The following ANKFN1 variants were observed in gnomAD, a reference collection of about 807,000 sequenced individuals.
ANKFN1 encodes ankyrin repeat and fibronectin type III domain containing 1, also known as ankyrin repeat and fibronectin type-III domain-containing protein 1.
In ANKFN1, 74 loss-of-function variants were observed where a neutral mutation model predicts 108.7. The ratio of observed to expected loss-of-function variants is 0.68; its 90% CI spans 0.56 to 0.83. ANKFN1 has a LOEUF of 0.83. Ranked by LOEUF, ANKFN1 falls within the 40% of genes least tolerant of loss-of-function variation. The pLI, the probability that ANKFN1 is intolerant of heterozygous loss-of-function variation, is 0.00. For missense variants in ANKFN1, 1,505 were observed against 1,382.3 expected (o/e 1.09, Z -1.41); for synonymous variants, 547 against 516.2 (o/e 1.06, Z -0.81).
chr17:56,346,021 G>A (rs2046090315), intron 4 of ANKFN1, among the ~76,000 whole-genome samples: 1 of 152,006 alleles, frequency 6.6e-6, no homozygotes, highest in Non-Finnish European at 1.5e-5. Context: ...TATGGTTTTG[G>A]GTTTCACATT....
At chr17:56,275,770 A>G (rs926220490) in intron 3 of ANKFN1, among the ~76,000 whole-genome samples, 3 of 152,182 alleles carry the variant, frequency 2.0e-5, no homozygotes, top group African/African-American at 7.2e-5. Context: ...AAACTGTTGA[A>G]ATGAAAGACA....
chr17:56,218,209 C>G (rs1300567770), intron 2 of ANKFN1, among the ~76,000 whole-genome samples: 1 of 143,828 alleles, frequency 7.0e-6, no homozygotes, highest in African/African-American at 2.5e-5. Context: ...CTCTCTTCCC[C>G]ACCCTCCCTC....
chr17:56,413,088 C>T (rs532994489), intron 8 of ANKFN1, among the ~76,000 whole-genome samples: 8 of 152,212 alleles, frequency 5.3e-5, no homozygotes, highest in South Asian at 4.2e-4. Flanking sequence ...TGCCTCGAAG[C>T]GTAACATTAG....
chr17:56,487,994 G>A (rs1236437607), intron 18 of ANKFN1, among the ~76,000 whole-genome samples: 1 of 152,168 alleles, frequency 6.6e-6, no homozygotes, highest in Non-Finnish European at 1.5e-5. Flanking sequence ...GAAGCTAAAA[G>A]TTTAAAAGAT....
Position 56,351,557 on chromosome 17 carries a change from A to G in ANKFN1, c.390+590A>G, listed in dbSNP as rs1297819238. On this transcript the variant is annotated intron_variant, in intron 5 of 20. Coordinates refer to ENST00000682825, the MANE Select transcript of ANKFN1 (RefSeq NM_001370326.1). Reference sequence around the variant, plus strand: ...GTACCTGAAATTTATCATTACATTCATCTCTGACTTCCCAGAAAGTCAAAG... The same window carrying G: ...GTACCTGAAATTTATCATTACATTCGTCTCTGACTTCCCAGAAAGTCAAAG... 2.0e-5 allele frequency among the ~76,000 whole-genome samples: 3 copies of G among 152,180 alleles called. No homozygotes were observed. The East Asian group carries it at 5.8e-4, about 29-fold the overall frequency.
intron 4 of ANKFN1, among the ~76,000 whole-genome samples, chr17:56,143,072 G>C (rs997007687): frequency 3.3e-5 from 5 of 152,178 alleles, no homozygotes; most frequent in African/African-American, 1.2e-4. Flanking sequence ...AGGAAGAGAA[G>C]ACATTGCGAA....
chr17:56,070,763 A>T (rs1417434729), intron 4 of ANKFN1, among the ~76,000 whole-genome samples: 2 of 144,908 alleles, frequency 1.4e-5, no homozygotes, highest in Admixed American at 6.9e-5. Flanking sequence ...TTTGAGACGT[A>T]CTCTCACTCT....
Position 56,417,316 on chromosome 17 carries a change from A to G in ANKFN1, c.911-23011A>G, listed in dbSNP as rs2048270718. Among the ~76,000 whole-genome samples, 5 of 152,332 alleles carry G rather than the reference A, an allele frequency of 3.3e-5. No homozygotes were observed. In the South Asian group the frequency reaches 1.0e-3, roughly 32 times the overall value. The stretch of plus-strand genomic sequence containing the variant: ...TCACATTGCATGCCTGTATCAGGGT[A>G]TCTCTTGTACTCCATTAATATATAT... On this transcript the variant is annotated intron_variant, in intron 8 of 20. Coordinates refer to ENST00000682825, the MANE Select transcript of ANKFN1 (RefSeq NM_001370326.1).
intron 4 of ANKFN1, among the ~76,000 whole-genome samples, chr17:56,109,124 ATG>A (rs952862844): frequency 2.6e-5 from 4 of 152,336 alleles, no homozygotes; most frequent in African/African-American, 9.6e-5. Context: ...GATTTATAAA[ATG>A]AGGATAATCA....
At chr17:56,251,826 C>T (rs1462493453) in intron 3 of ANKFN1, among the ~76,000 whole-genome samples, 2 of 152,176 alleles carry the variant, frequency 1.3e-5, no homozygotes, top group Non-Finnish European at 2.9e-5. Flanking sequence ...AAAGAGATCT[C>T]TGAGACCCTA....
At chr17:56,131,106 A>G (rs16956701) in intron 4 of ANKFN1, among the ~76,000 whole-genome samples, 29,004 of 152,166 alleles carry the variant, frequency 0.19, 3,314 homozygotes, top group African/African-American at 0.3. Context: ...AGCTCAAAAA[A>G]TCTGTAGGGG....
chr17:56,132,188 C>T (rs1281274964), intron 4 of ANKFN1, among the ~76,000 whole-genome samples: 1 of 152,206 alleles, frequency 6.6e-6, no homozygotes, highest in Non-Finnish European at 1.5e-5. Context: ...CTTAGTCCAG[C>T]CTCGTTGCTC....
chr17:56,460,319 G>A (rs2049858037), intron 14 of ANKFN1, among the ~76,000 whole-genome samples: 1 of 152,108 alleles, frequency 6.6e-6, no homozygotes, highest in Admixed American at 6.5e-5. Flanking sequence ...TGGATGTGGT[G>A]GTGCACATCT....
intron 8 of ANKFN1, among the ~76,000 whole-genome samples, chr17:56,380,413 G>A (rs1241623833): frequency 6.6e-6 from 1 of 152,210 alleles, no homozygotes; most frequent in Non-Finnish European, 1.5e-5. Context: ...CATCTCACTA[G>A]GGAGTGCCAG....
At chr17:56,444,964 C>G (rs901225954) in intron 10 of ANKFN1, among the ~76,000 whole-genome samples, 2 of 152,176 alleles carry the variant, frequency 1.3e-5, no homozygotes, top group African/African-American at 4.8e-5. Context: ...CCAGGTCAGA[C>G]AGGGCCTTGG....
intron 2 of ANKFN1, among the ~76,000 whole-genome samples, chr17:56,218,615 T>C (rs1375901540): frequency 6.6e-6 from 1 of 152,140 alleles, no homozygotes; most frequent in Non-Finnish European, 1.5e-5. Flanking sequence ...CAACACCTAA[T>C]CATCTTGAAA....
At chr17:56,395,589 C>T (rs186671162) in intron 8 of ANKFN1, among the ~76,000 whole-genome samples, 1 of 152,218 alleles carries the variant, frequency 6.6e-6, no homozygotes, top group Non-Finnish European at 1.5e-5. Context: ...TGGCTCACAA[C>T]TGTAATCCCA....
rs1184077508 is a variant in ANKFN1, at chr17:56,193,456, GTT to G, written c.-70-19138_-70-19137del. On this transcript the variant is annotated intron_variant, in intron 1 of 20. Transcript: ENST00000682825. ...TAAAAGTGCATAATTTATTTGTAGCGTTTTTAAAAAAAAACAAAAAAAATACA... is the reference window on the plus strand; with the variant it reads ...TAAAAGTGCATAATTTATTTGTAGCGTTTAAAAAAAAACAAAAAAAATACA... 1.0e-3 allele frequency among the ~76,000 whole-genome samples: 152 copies of G among 147,782 alleles called. 3 individuals are homozygous for G. Among genetic ancestry groups the G allele is most frequent in the African/African-American group, 3.7e-3 (147 of 39,678 alleles).
Position 56,510,736 on chromosome 17 carries a change from C to T in ANKFN1, c.2908C>T (p.Leu970Phe). Residue 970 changes from leucine to phenylalanine, a missense_variant, in exon 21 of 21, where the codon CTC becomes TTC. Transcript: ENST00000682825. ...PNPDHSCAEF[L>F]HSLTLTGFTP... ...TCCCGATCACTCATGTGCCGAGTTT[C>T]TCCATAGCCTGACCCTCACGGGGTT... 2.0e-6 allele frequency: 3 copies of T among 1,536,148 alleles called. No homozygotes were observed. The highest frequency in any genetic ancestry group is 2.6e-6 in the Non-Finnish European group (3 of 1,146,914).
Sources: gnomAD v4.1 joint callset for allele counts (sites outside exome capture counted in the v4.1 genomes callset) on GRCh38, gnomAD v4.1.1 for gene constraint, MANE v1.5 for transcripts, NCBI Gene and HGNC (gene_info 2026-07-23, HGNC 2026-07-21) for gene names.